The following PIK3C2G variants were observed in gnomAD, a reference collection of about 807,000 sequenced individuals.
PIK3C2G encodes phosphatidylinositol-4-phosphate 3-kinase catalytic subunit type 2 gamma.
Under a neutral mutation model 181.1 loss-of-function variants are expected in PIK3C2G, and 168 were observed. The observed-to-expected ratio is 0.93, with a 90% CI of 0.82 to 1.05. The LOEUF (loss-of-function observed/expected upper bound fraction) is 1.05, where lower values mean the gene tolerates loss of function less well. Among genes scored for constraint, PIK3C2G ranks in the 50% least tolerant of loss-of-function variants. The pLI is 0.00. For missense variants in PIK3C2G, 1,869 were observed against 1,732.8 expected (o/e 1.08, Z -1.40); for synonymous variants, 573 against 592.2 (o/e 0.97, Z 0.47).
At chr12:18,261,271 T>C (rs913533343), upstream of PIK3C2G, among the ~76,000 whole-genome samples, 1 of 152,170 alleles carries the variant, frequency 6.6e-6, no homozygotes, top group Non-Finnish European at 1.5e-5. Context: ...CGTTTGTATA[T>C]TGCTGATCAG....
chr12:18,292,082 T>A (rs1450389198), intron 4 of PIK3C2G, among the ~76,000 whole-genome samples: 3 of 150,150 alleles, frequency 2.0e-5, no homozygotes, highest in African/African-American at 4.9e-5. Flanking sequence ...TGATGGCGCA[T>A]GCCTGTAATC....
At chr12:18,391,845 G>GTC (rs55958636) in intron 15 of PIK3C2G, among the ~76,000 whole-genome samples, 3 of 151,582 alleles carry the variant, frequency 2.0e-5, no homozygotes, top group East Asian at 1.9e-4. Context: ...CTGAGAAAGT[G>GTC]TCTCTCTCTC....
intron 1 of PIK3C2G, among the ~76,000 whole-genome samples, chr12:18,250,285 T>A (rs1410243950): frequency 3.3e-5 from 5 of 152,070 alleles, no homozygotes; most frequent in African/African-American, 1.2e-4. Flanking sequence ...AAAGTGAAAT[T>A]GACAGAATTT....
chr12:18,318,267 G>C (rs1448040172), intron 6 of PIK3C2G, among the ~76,000 whole-genome samples: 1 of 152,084 alleles, frequency 6.6e-6, no homozygotes, highest in East Asian at 1.9e-4. Context: ...GAAAGTAAAA[G>C]TAAACTGGTT....
intron 8 of PIK3C2G, among the ~76,000 whole-genome samples, chr12:18,333,245 T>C (rs1386172030): frequency 6.6e-6 from 1 of 152,128 alleles, no homozygotes; most frequent in African/African-American, 2.4e-5. Context: ...ATCTGGATTT[T>C]TCATTGTTGC....
At chr12:18,375,834 C>G (rs904128232) in intron 13 of PIK3C2G, among the ~76,000 whole-genome samples, 1 of 152,222 alleles carries the variant, frequency 6.6e-6, no homozygotes, top group African/African-American at 2.4e-5. Context: ...GGCTCTGGCT[C>G]CAGCTTCAGA....
the PIK3C2G span, among the ~76,000 whole-genome samples, chr12:18,661,152 C>T: frequency 6.6e-6 from 1 of 151,990 alleles, no homozygotes. Context: ...AGAGCCTAAC[C>T]AACCTGTAGG....
chr12:18,390,106 A>G (rs970932293), intron 14 of PIK3C2G, among the ~76,000 whole-genome samples: 1 of 152,314 alleles, frequency 6.6e-6, no homozygotes, highest in African/African-American at 2.4e-5. Flanking sequence ...ATCATGTTGG[A>G]GTAGTAATTG....
rs767794392 is a variant in PIK3C2G, at chr12:18,498,758, C to CTAGTACA, written c.3016+1010_3016+1011insTAGTACA. Among the ~76,000 whole-genome samples the CTAGTACA allele has an allele frequency of 2.5e-4, 38 of 152,284 alleles. No individual in the cohort carries two copies. In the East Asian group the frequency reaches 6.4e-3, roughly 26 times the overall value. On this transcript the variant is annotated intron_variant, in intron 22 of 32. Transcript: ENST00000538779. ...GCCACTTAATACCTTACAATGACTG[C>CTAGTACA]ATTACAGTCGTACTAGCCAATTGAT...
Position 18,532,883 on chromosome 12 carries a change from GTT to G in PIK3C2G, c.3324-5256_3324-5255del, listed in dbSNP as rs139779917. On this transcript the variant is annotated intron_variant, in intron 24 of 32. Coordinates refer to ENST00000538779, the MANE Select transcript of PIK3C2G (RefSeq NM_001288772.2). ...AGTGGTTACAATCTAAAAGTTTGCT[GTT>G]TTTTTTTTTTTTTTTTCAGCTGCCC... Among the ~76,000 whole-genome samples the G allele has an allele frequency of 8.4e-3, 1,045 of 124,952 alleles. 6 individuals are homozygous for G. Among genetic ancestry groups the G allele is most frequent in the African/African-American group, 0.018 (595 of 33,864 alleles). 82.0% of individuals were successfully genotyped at this position (124,952 alleles called of 152,430 possible).
chr12:18,266,013 TAAAAA>T (rs61315448), intron 1 of PIK3C2G, among the ~76,000 whole-genome samples: 19,511 of 61,258 alleles, frequency 0.32, 1,962 homozygotes, highest in Admixed American at 0.38. Context: ...AGACTTCATC[TAAAAA>T]AAAAAAAAAA....
At chr12:18,401,544 T>C (rs1390103688) in intron 16 of PIK3C2G, among the ~76,000 whole-genome samples, 1 of 152,108 alleles carries the variant, frequency 6.6e-6, no homozygotes, top group African/African-American at 2.4e-5. Flanking sequence ...CATTCTTGAG[T>C]TGATTAACTA....
the PIK3C2G span, among the ~76,000 whole-genome samples, chr12:18,717,819 G>T: frequency 2.6e-5 from 4 of 152,086 alleles, no homozygotes; most frequent in African/African-American, 7.2e-5. Flanking sequence ...AACATATGAT[G>T]GTTCAACTTA....
chr12:18,416,278 G>A (rs941225319), intron 16 of PIK3C2G, among the ~76,000 whole-genome samples: 1 of 149,354 alleles, frequency 6.7e-6, no homozygotes, highest in Non-Finnish European at 1.5e-5. Flanking sequence ...AAAGAAGGAA[G>A]GAAGAAAGCA....
At chr12:18,457,533 A>G (rs1005678634) in intron 18 of PIK3C2G, among the ~76,000 whole-genome samples, 2 of 152,108 alleles carry the variant, frequency 1.3e-5, no homozygotes, top group African/African-American at 4.8e-5. Flanking sequence ...ATATGTGTGT[A>G]TGTTCATACC....
At chr12:18,491,796 G>GAAA (rs572953243) in intron 20 of PIK3C2G, among the ~76,000 whole-genome samples, 4 of 139,702 alleles carry the variant, frequency 2.9e-5, no homozygotes, top group African/African-American at 1.0e-4. Context: ...TCAGTTCAGT[G>GAAA]AAAAAAAAAA....
chr12:18,256,100 A>G (rs147347676), intron 1 of PIK3C2G, among the ~76,000 whole-genome samples: 1 of 152,302 alleles, frequency 6.6e-6, no homozygotes, highest in Non-Finnish European at 1.5e-5. Flanking sequence ...TATTCTCAGA[A>G]GTATTTAATT....
At chr12:18,294,136 T>C in intron 5 of PIK3C2G, 121 bp downstream of exon 5, 1 of 564,860 alleles carries the variant, frequency 1.8e-6, no homozygotes, top group East Asian at 3.0e-5. Context: ...ATTAAATCAA[T>C]TTTACCCCCT....
chr12:18,562,099 T>C (rs1248660630), intron 26 of PIK3C2G, among the ~76,000 whole-genome samples: 2 of 152,334 alleles, frequency 1.3e-5, no homozygotes, highest in African/African-American at 4.8e-5. Flanking sequence ...TTAAATTTTT[T>C]AAAAATTCCC....
Sources: gnomAD v4.1 joint callset for allele counts (sites outside exome capture counted in the v4.1 genomes callset) on GRCh38, gnomAD v4.1.1 for gene constraint, MANE v1.5 for transcripts, NCBI Gene and HGNC (gene_info 2026-07-23, HGNC 2026-07-21) for gene names.